Variants in VPS13B observed in about 807,000 individuals in gnomAD.
VPS13B encodes vacuolar protein sorting 13 homolog B.
VPS13B carries 285 observed loss-of-function variants against 426.4 expected under a neutral mutation model. The ratio of observed to expected loss-of-function variants is 0.67; its 90% CI spans 0.61 to 0.74. The LOEUF (loss-of-function observed/expected upper bound fraction) is 0.74. Among genes scored for constraint, VPS13B ranks in the 30% least tolerant of loss-of-function variants. The pLI is 0.00. For missense variants in VPS13B, 4,537 were observed against 4,782.6 expected (o/e 0.95, Z 1.51); for synonymous variants, 1,676 against 1,676.4 (o/e 1.00, Z 0.01).
intron 17 of VPS13B, among the ~76,000 whole-genome samples, chr8:99,252,155 AG>A (rs1343686825): frequency 6.6e-6 from 1 of 151,802 alleles, no homozygotes; most frequent in East Asian, 1.9e-4. Context: ...GTTTTAGGTG[AG>A]AGCTAGATTA....
intron 30 of VPS13B, among the ~76,000 whole-genome samples, chr8:99,541,704 T>C (rs940940286): frequency 1.3e-5 from 2 of 152,186 alleles, no homozygotes; most frequent in Non-Finnish European, 2.9e-5. Flanking sequence ...GGGAAAAAGA[T>C]TTTTACATTC....
chr8:99,445,827 A>G (rs1248363584), intron 23 of VPS13B, among the ~76,000 whole-genome samples: 1 of 152,180 alleles, frequency 6.6e-6, no homozygotes, highest in Non-Finnish European at 1.5e-5. Flanking sequence ...ACTTGATATC[A>G]TTATTTTGTA....
intron 14 of VPS13B, among the ~76,000 whole-genome samples, chr8:99,151,376 T>C (rs1050584275): frequency 6.6e-6 from 1 of 152,224 alleles, no homozygotes; most frequent in African/African-American, 2.4e-5. Flanking sequence ...GAATTTTTAG[T>C]GAAGTCCTGC....
chr8:99,434,294 G>A (rs950381860), intron 22 of VPS13B, among the ~76,000 whole-genome samples: 1 of 152,200 alleles, frequency 6.6e-6, no homozygotes, highest in Non-Finnish European at 1.5e-5. Context: ...GTCTCTGTGA[G>A]CAACTAGAGT....
chr8:99,491,042 G>C (rs907603872), intron 25 of VPS13B, among the ~76,000 whole-genome samples: 4 of 152,118 alleles, frequency 2.6e-5, no homozygotes, highest in Non-Finnish European at 5.9e-5. Flanking sequence ...TGGGCATTTA[G>C]TGCTATAAAT....
At chr8:99,062,913 A>T (rs183228419) in intron 3 of VPS13B, among the ~76,000 whole-genome samples, 1 of 152,324 alleles carries the variant, frequency 6.6e-6, no homozygotes, top group Admixed American at 6.5e-5. Flanking sequence ...ATGTTAGAGG[A>T]TTGCAACTAC....
At chr8:99,373,788 G>GCTGT (rs1370010320) in intron 19 of VPS13B, among the ~76,000 whole-genome samples, 4 of 152,178 alleles carry the variant, frequency 2.6e-5, no homozygotes, top group Non-Finnish European at 4.4e-5. Context: ...GCTACAGTGA[G>GCTGT]CTGTGATCAT....
chr8:99,762,980 A>G (rs1387205654), intron 39 of VPS13B, among the ~76,000 whole-genome samples: 2 of 151,760 alleles, frequency 1.3e-5, no homozygotes, highest in African/African-American at 4.8e-5. Context: ...TCTATAAAAA[A>G]TACAAAAATT....
chr8:99,425,994 C>T (rs923470517), intron 21 of VPS13B, among the ~76,000 whole-genome samples: 2 of 151,456 alleles, frequency 1.3e-5, no homozygotes, highest in African/African-American at 2.4e-5. Flanking sequence ...ATGTGCCATG[C>T]TGGTGCGCTG....
chr8:99,149,016 T>C (rs1202148128), intron 14 of VPS13B, among the ~76,000 whole-genome samples: 1 of 152,252 alleles, frequency 6.6e-6, no homozygotes, highest in Non-Finnish European at 1.5e-5. Flanking sequence ...AGACCACATA[T>C]GATCCTTTGT....
In VPS13B at chr8:99,103,004, T is replaced by C. The variant is rs1251920555; in HGVS notation, c.464T>C (p.Ile155Thr). 6.2e-7 allele frequency: 1 copy of C among 1,612,560 alleles called. No homozygotes were observed. Among genetic ancestry groups the C allele is most frequent in the Non-Finnish European group, 8.5e-7 (1 of 1,178,686 alleles). Residue 155 changes from isoleucine (I) to threonine (T), a missense_variant, in exon 5 of 62, where the codon ATA (isoleucine) becomes ACA (threonine). Coordinates refer to ENST00000357162, the MANE Select transcript of VPS13B (RefSeq NM_152564.5). ...GTTGTAAATAATGTAAACATTGTGATAAATAATCTCATACTAAAATATGTT... is the reference window on the plus strand; with the variant it reads ...GTTGTAAATAATGTAAACATTGTGACAAATAATCTCATACTAAAATATGTT... ...RRVVNNVNIV[I>T]NNLILKYVED...
intron 43 of VPS13B, among the ~76,000 whole-genome samples, chr8:99,798,025 C>T (rs1812939199): frequency 1.3e-5 from 2 of 152,002 alleles, no homozygotes. Flanking sequence ...TCCCGAGTGG[C>T]AGTAACAAGC....
chr8:99,263,617 C>T (rs182575165), intron 17 of VPS13B, among the ~76,000 whole-genome samples: 3 of 152,236 alleles, frequency 2.0e-5, no homozygotes, highest in East Asian at 1.9e-4. Flanking sequence ...GTTACATTTC[C>T]GTGAGTGTGC....
At chr8:99,422,592 C>T (rs1287378777) in intron 21 of VPS13B, among the ~76,000 whole-genome samples, 1 of 151,948 alleles carries the variant, frequency 6.6e-6, no homozygotes, top group African/African-American at 2.4e-5. Context: ...TATTTAGATT[C>T]CTAGAGCTAT....
At chr8:99,852,597 A>G (rs370462821) in intron 55 of VPS13B, among the ~76,000 whole-genome samples, 48 of 152,336 alleles carry the variant, frequency 3.2e-4, no homozygotes, top group African/African-American at 1.0e-3. Flanking sequence ...CAAAAAACTG[A>G]AAGTCCATCA....
intron 21 of VPS13B, among the ~76,000 whole-genome samples, chr8:99,409,020 C>T (rs1016576528): frequency 1.3e-4 from 20 of 152,132 alleles, no homozygotes; most frequent in African/African-American, 4.3e-4. Flanking sequence ...TAGCAGAATT[C>T]ATTTCTAGTT....
intron 21 of VPS13B, among the ~76,000 whole-genome samples, chr8:99,422,852 A>G (rs905560444): frequency 1.3e-5 from 2 of 152,124 alleles, no homozygotes; most frequent in African/African-American, 4.8e-5. Flanking sequence ...TTACACTTCT[A>G]TAACTTTTTC....
chr8:99,356,942 A>T (rs1026544998), intron 19 of VPS13B, among the ~76,000 whole-genome samples: 1 of 151,930 alleles, frequency 6.6e-6, no homozygotes, highest in Non-Finnish European at 1.5e-5. Flanking sequence ...TTTGAAATCT[A>T]TTTTTTTGCT....
At chr8:99,702,680 C>A (rs143537718) in intron 36 of VPS13B, among the ~76,000 whole-genome samples, 1 of 151,798 alleles carries the variant, frequency 6.6e-6, no homozygotes, top group African/African-American at 2.4e-5. Flanking sequence ...TAAACACAGT[C>A]AAAAACACTG....
Sources: allele counts gnomAD v4.1 joint callset (sites outside exome capture counted in the v4.1 genomes callset), GRCh38; gene constraint gnomAD v4.1.1; transcripts MANE v1.5; gene names NCBI Gene and HGNC (gene_info 2026-07-23, HGNC 2026-07-21).